IGSF3: variants seen among roughly 807,000 people sequenced by gnomAD.
The protein encoded by IGSF3 is glu-Trp-Ile EWI motif-containing protein 3.
A neutral mutation model predicts 114.4 loss-of-function variants in IGSF3; 23 were observed. The ratio of observed to expected loss-of-function variants is 0.20; its 90% CI spans 0.14 to 0.28. The LOEUF (loss-of-function observed/expected upper bound fraction) is 0.28. Ranked by LOEUF, IGSF3 falls within the 10% of genes least tolerant of loss-of-function variation. IGSF3 has a pLI of 1.00. For synonymous variants in IGSF3, 571 were observed against 645.2 expected (o/e 0.88, Z 1.74); for missense variants, 1,172 against 1,591.5 (o/e 0.74, Z 4.48).
In IGSF3 at chr1:116,647,403, C is replaced by T. The variant is rs568401307; in HGVS notation, c.43+18881G>A. ...TATGTGCTGAGTGTGGCCCAAATTCCAGCTCCAAATGGTCACACCATGTCT... is the reference window on the plus strand; with the variant it reads ...TATGTGCTGAGTGTGGCCCAAATTCTAGCTCCAAATGGTCACACCATGTCT... On this transcript the variant is annotated intron_variant, in intron 2 of 10. Coordinates refer to ENST00000369486, the MANE Select transcript of IGSF3 (RefSeq NM_001007237.3). The surrounding 1 kb of genome is among the most constrained non-coding windows in gnomAD (Gnocchi z 4.6). 6.6e-6 allele frequency among the ~76,000 whole-genome samples: 1 copy of T among 152,286 alleles called. No homozygotes were observed. The highest frequency in any genetic ancestry group is 2.4e-5 in the African/African-American group (1 of 41,554).
chr1:116,620,853 AC>A (rs1441505202), intron 2 of IGSF3, among the ~76,000 whole-genome samples: 10 of 152,076 alleles, frequency 6.6e-5, no homozygotes, highest in African/African-American at 1.9e-4. Flanking sequence ...TGATCCTCCC[AC>A]ATCAGCCTCC....
intron 2 of IGSF3, among the ~76,000 whole-genome samples, chr1:116,652,432 T>C (rs1212391098): frequency 6.6e-6 from 1 of 152,254 alleles, no homozygotes; most frequent in Non-Finnish European, 1.5e-5. Flanking sequence ...GACATTTTAC[T>C]AATTCAAACT....
rs1031745554 is a variant in IGSF3, at chr1:116,661,735, T to C, written c.43+4549A>G. Among the ~76,000 whole-genome samples the C allele has an allele frequency of 6.6e-6, 1 of 151,990 alleles. No individual in the cohort carries two copies. The highest frequency in any genetic ancestry group is 6.6e-5 in the Admixed American group (1 of 15,266). On this transcript the variant is annotated intron_variant, in intron 2 of 10. Transcript: ENST00000369486. This position sits in a 1 kb window ranked among gnomAD's most constrained non-coding sequence, Gnocchi z 4.0. ...GGCAGCTGTCCCCCAAAATCTGTTC[T>C]CTCCTTTCCCTACAGTCATAGAATC... is the stretch of plus-strand genomic sequence containing the variant.
At chr1:116,591,064 T>A (rs1660092119) in intron 7 of IGSF3, among the ~76,000 whole-genome samples, 1 of 150,604 alleles carries the variant, frequency 6.6e-6, no homozygotes, top group East Asian at 1.9e-4. Flanking sequence ...CCCGGGTTCA[T>A]CTTTTTTGTT....
chr1:116,621,014 A>G (rs558843424), intron 2 of IGSF3, among the ~76,000 whole-genome samples: 1 of 152,264 alleles, frequency 6.6e-6, no homozygotes, highest in African/African-American at 2.4e-5. Flanking sequence ...GCCTGGTGGG[A>G]GGTGACCGGA....
At chr1:116,601,776 C>T (rs970641909) in intron 6 of IGSF3, among the ~76,000 whole-genome samples, 2 of 152,170 alleles carry the variant, frequency 1.3e-5, no homozygotes, top group Non-Finnish European at 2.9e-5. Context: ...AAACATGAAG[C>T]GCCTGTGACA....
chr1:116,606,538 T>C (rs1256931394), intron 5 of IGSF3: 1 of 986,680 alleles, frequency 1.0e-6, no homozygotes, highest in Non-Finnish European at 1.6e-6. Context: ...GGACTTTAAC[T>C]ACCCAGTTAT....
In IGSF3 at chr1:116,598,093, A is replaced by G. The variant is rs1210104196; in HGVS notation, c.2029+1848T>C. Among the ~76,000 whole-genome samples the G allele has an allele frequency of 6.6e-6, 1 of 152,174 alleles. No homozygotes were observed. The highest frequency in any genetic ancestry group is 1.9e-4 in the East Asian group (1 of 5,194). Reference sequence around the variant, plus strand: ...TCTGTATTCTTCCCTTAGGCACTCCAGTCTTAGATTCCAAGTAGTACCAGA... The same window carrying G: ...TCTGTATTCTTCCCTTAGGCACTCCGGTCTTAGATTCCAAGTAGTACCAGA... On this transcript the variant is annotated intron_variant, in intron 7 of 10. Transcript: ENST00000369486. This position sits in a 1 kb window ranked among gnomAD's most constrained non-coding sequence, Gnocchi z 4.3.
chr1:116,651,774 C>T lies in IGSF3; in HGVS notation c.43+14510G>A, dbSNP rs534806228. On this transcript the variant is annotated intron_variant, in intron 2 of 10. Coordinates refer to ENST00000369486, the MANE Select transcript of IGSF3 (RefSeq NM_001007237.3). This position sits in a 1 kb window ranked among gnomAD's most constrained non-coding sequence, Gnocchi z 4.4. ...CCATGACAAACAACACAGAAGTAAC[C>T]CCTATCTTAATGGAACTTAAAATCT... 1.3e-5 allele frequency among the ~76,000 whole-genome samples: 2 copies of T among 152,190 alleles called. No individual in the cohort carries two copies. Among genetic ancestry groups the T allele is most frequent in the South Asian group, 4.2e-4 (2 of 4,818 alleles).
chr1:116,641,554 GAAAGAAGGAAA>G (rs1648105541), intron 2 of IGSF3, among the ~76,000 whole-genome samples: 1 of 89,060 alleles, frequency 1.1e-5, no homozygotes, highest in Non-Finnish European at 2.5e-5. Flanking sequence ...GAAAGAAAAA[GAAAGAAGGAAA>G]GAAAGAAAAT....
At chr1:116,640,139 C>T (rs1648026610) in intron 2 of IGSF3, among the ~76,000 whole-genome samples, 1 of 151,990 alleles carries the variant, frequency 6.6e-6, no homozygotes, top group African/African-American at 2.4e-5. Flanking sequence ...TTTCTTAGCT[C>T]CAGTCAAGAA....
At position 116,662,217 on chromosome 1, in the gene IGSF3, T is replaced by C. The variant is rs984535124; in HGVS notation, c.43+4067A>G. On this transcript the variant is annotated intron_variant, in intron 2 of 10. Transcript: ENST00000369486. This position sits in a 1 kb window ranked among gnomAD's most constrained non-coding sequence, Gnocchi z 4.3. ...TCCCGAGTAGCTGGGATTACAGGAA[T>C]GTGCCACCATGCTCGGCTAATTTTT... is the stretch of plus-strand genomic sequence containing the variant. Among the ~76,000 whole-genome samples, 3 of 152,042 alleles carry C rather than the reference T, an allele frequency of 2.0e-5. No individual in the cohort carries two copies.
Position 116,614,070 on chromosome 1 carries a change from T to A in IGSF3, c.527A>T (p.His176Leu). The A allele has an allele frequency of 6.2e-7, 1 of 1,614,162 alleles. No individual in the cohort carries two copies. The highest frequency in any genetic ancestry group is 8.5e-7 in the Non-Finnish European group (1 of 1,180,014). The change falls in exon 4 of 11, where the codon CAC (histidine) becomes CTC (leucine). Residue 176 changes from histidine (H) to leucine (L), a missense_variant. His to Leu is a moderately conservative substitution (Grantham distance 99, BLOSUM62 -3). This residue lies in a region of IGSF3 where 736 missense variants were observed against 1,042.0 expected (regional missense o/e 0.71). Coordinates refer to ENST00000369486, the MANE Select transcript of IGSF3 (RefSeq NM_001007237.3). The surrounding 1 kb of genome is among the most constrained non-coding windows in gnomAD (Gnocchi z 4.5). ...TCEVASETIQ[H>L]SHLSVAWLRQ... Reference sequence around the variant, plus strand: ...GAGCCAGGCCACAGACAGGTGGCTGTGCTGAATGGTCTCTGAGGCCACCTC... The same window carrying A: ...GAGCCAGGCCACAGACAGGTGGCTGAGCTGAATGGTCTCTGAGGCCACCTC...
At position 116,654,829 on chromosome 1, in the gene IGSF3, T is replaced by G. The variant is rs1326399041; in HGVS notation, c.43+11455A>C. On this transcript the variant is annotated intron_variant, in intron 2 of 10. Transcript: ENST00000369486. This position sits in a 1 kb window ranked among gnomAD's most constrained non-coding sequence, Gnocchi z 4.4. ...ACACCCAGGACTTGGGATATTTGTG[T>G]ATTTTCAAGAATAAAAGTTTGCCCT... 2.6e-5 allele frequency among the ~76,000 whole-genome samples: 4 copies of G among 152,172 alleles called. No homozygotes were observed. The highest frequency in any genetic ancestry group is 5.9e-5 in the Non-Finnish European group (4 of 68,034).
intron 2 of IGSF3, among the ~76,000 whole-genome samples, chr1:116,623,349 G>GA (rs1360399027): frequency 6.6e-6 from 1 of 152,210 alleles, no homozygotes; most frequent in Non-Finnish European, 1.5e-5. Context: ...TACGGATGCA[G>GA]AATCTGAGGC....
intron 2 of IGSF3, chr1:116,617,195 C>A (rs1183470301): frequency 1.9e-5 from 12 of 641,732 alleles, no homozygotes; most frequent in African/African-American, 3.9e-5. Flanking sequence ...GTCAGGCTAC[C>A]CTTGAGTTTC....
rs538247068 is a variant in IGSF3 at position 116,620,191 on chromosome 1, T to G, written c.44-3734A>C. Among the ~76,000 whole-genome samples the G allele has an allele frequency of 1.2e-4, 19 of 152,274 alleles. No individual in the cohort carries two copies. The East Asian group carries it at 2.7e-3, about 22-fold the overall frequency. Reference sequence around the variant, plus strand: ...TTTGTTATTTATAAGAAGCCCCTTTTGGCCATCCCAGAGTTTATGCTAACG... The same window carrying G: ...TTTGTTATTTATAAGAAGCCCCTTTGGGCCATCCCAGAGTTTATGCTAACG... On this transcript the variant is annotated intron_variant, in intron 2 of 10. Coordinates refer to ENST00000369486, the MANE Select transcript of IGSF3 (RefSeq NM_001007237.3).
chr1:116,619,156 T>C (rs1369803528), intron 2 of IGSF3, among the ~76,000 whole-genome samples: 3 of 152,206 alleles, frequency 2.0e-5, no homozygotes, highest in South Asian at 2.1e-4. Flanking sequence ...GTTTCTCTCT[T>C]TGGTAGAGAC....
chr1:116,604,117 A>G, intron 5 of IGSF3, 92 bp from the exon 6 acceptor site: 2 of 1,160,066 alleles, frequency 1.7e-6, no homozygotes, highest in Non-Finnish European at 2.4e-6. Context: ...TGCAAATGGA[A>G]TCATATTCAG....
Sources: gnomAD v4.1 joint callset for allele counts (sites outside exome capture counted in the v4.1 genomes callset) on GRCh38, gnomAD v4.1.1 for gene constraint, gnomAD v4.1.1 regional missense constraint, Gnocchi (gnomAD v3.1) non-coding constraint, MANE v1.5 for transcripts, NCBI Gene and HGNC (gene_info 2026-07-23, HGNC 2026-07-21) for gene names.